HDAC9: variants seen among roughly 807,000 people sequenced by gnomAD.
The protein encoded by HDAC9 is histone deacetylase 9, also known as MEF-2 interacting transcription repressor (MITR) protein.
HDAC9 carries 41 observed loss-of-function variants against 139.4 expected under a neutral mutation model. The observed-to-expected ratio is 0.29, with a 90% CI of 0.23 to 0.38. HDAC9 has a LOEUF of 0.38. Ranked by LOEUF, HDAC9 falls within the 10% of genes least tolerant of loss-of-function variation. The probability of loss-of-function intolerance (pLI) is 1.00; values close to 1 mark genes in which losing one functional copy is unlikely to be tolerated. For missense variants in HDAC9, 1,147 were observed against 1,297.0 expected (o/e 0.88, Z 1.78); for synonymous variants, 517 against 476.2 (o/e 1.09, Z -1.12).
chr7:18,729,514 A>G lies in HDAC9; in HGVS notation c.1909+1757A>G, dbSNP rs954560945. Among the ~76,000 whole-genome samples the G allele has an allele frequency of 2.0e-5, 3 of 152,114 alleles. No individual in the cohort carries two copies. In the East Asian group the frequency reaches 5.8e-4, roughly 29 times the overall value. On this transcript the variant is annotated intron_variant, in intron 13 of 25. Coordinates refer to ENST00000686413, the MANE Select transcript of HDAC9 (RefSeq NM_178425.4). ...GAATGAAGCAAGACATCTGAATATT[A>G]GAGAGAACCTGGAGTTTAAGGAAAC... is the stretch of plus-strand genomic sequence containing the variant.
chr7:18,446,181 C>T (rs1048598798), intron 1 of HDAC9, among the ~76,000 whole-genome samples: 1 of 152,242 alleles, frequency 6.6e-6, no homozygotes, highest in Non-Finnish European at 1.5e-5. Context: ...CTCTCAGACA[C>T]ACACACAGAA....
chr7:18,580,347 A>G lies in HDAC9; in HGVS notation c.23-4934A>G, dbSNP rs1027361488. Among the ~76,000 whole-genome samples, 9 of 152,364 alleles carry G rather than the reference A, an allele frequency of 5.9e-5. No individual in the cohort carries two copies. In the South Asian group the frequency reaches 8.3e-4, roughly 14 times the overall value. On this transcript the variant is annotated intron_variant, in intron 2 of 25. Coordinates refer to ENST00000686413, the MANE Select transcript of HDAC9 (RefSeq NM_178425.4). ...AGAAGGAATAACTATTGAACAAATA[A>G]GACAGACACTGTCAAGAACGGGCAG...
intron 2 of HDAC9, among the ~76,000 whole-genome samples, chr7:18,260,038 T>A (rs1388692951): frequency 6.6e-6 from 1 of 152,170 alleles, no homozygotes; most frequent in Non-Finnish European, 1.5e-5. Flanking sequence ...TATTTTTCTT[T>A]CCTATATGGG....
At chr7:18,952,646 C>A (rs1316479506) in intron 23 of HDAC9, among the ~76,000 whole-genome samples, 1 of 151,894 alleles carries the variant, frequency 6.6e-6, no homozygotes, top group Admixed American at 6.6e-5. Context: ...TAAGAGTTTT[C>A]CAAGTAAGCT....
intron 14 of HDAC9, 126 bp downstream of exon 14, chr7:18,749,264 C>G: frequency 2.9e-6 from 3 of 1,022,412 alleles, no homozygotes; most frequent in Non-Finnish European, 4.3e-6. Flanking sequence ...GATGAACCAT[C>G]ATAGATTCAG....
intron 1 of HDAC9, among the ~76,000 whole-genome samples, chr7:18,391,075 T>C (rs1001328544): frequency 2.0e-5 from 3 of 151,608 alleles, no homozygotes; most frequent in Admixed American, 2.0e-4. Flanking sequence ...GGCAATAGAG[T>C]GAGACTCCAT....
At chr7:18,657,003 A>G (rs900811459) in intron 11 of HDAC9, among the ~76,000 whole-genome samples, 1 of 152,034 alleles carries the variant, frequency 6.6e-6, no homozygotes, top group Non-Finnish European at 1.5e-5. Flanking sequence ...ATGATGTCTC[A>G]TTGTAATTTT....
intron 23 of HDAC9, among the ~76,000 whole-genome samples, chr7:18,937,875 G>A (rs1781751926): frequency 6.6e-6 from 1 of 152,192 alleles, no homozygotes; most frequent in African/African-American, 2.4e-5. Context: ...GCATTCAAAT[G>A]TCTCTATACT....
At chr7:18,593,809 A>G in intron 5 of HDAC9, 99 bp from the exon 6 acceptor site, 2 of 1,280,768 alleles carry the variant, frequency 1.6e-6, no homozygotes, top group South Asian at 2.6e-5. Flanking sequence ...GAGCATAAAC[A>G]TAGCTGAGGC....
chr7:18,278,037 G>A (rs767705519), intron 2 of HDAC9, among the ~76,000 whole-genome samples: 5 of 152,218 alleles, frequency 3.3e-5, no homozygotes, highest in Non-Finnish European at 7.4e-5. Flanking sequence ...TAGCAACATC[G>A]TACAAACAAG....
intron 1 of HDAC9, among the ~76,000 whole-genome samples, chr7:18,091,687 TC>T (rs1782160144): frequency 6.6e-6 from 1 of 152,194 alleles, no homozygotes; most frequent in Non-Finnish European, 1.5e-5. Flanking sequence ...CTCAACTAGG[TC>T]CTCTGGCCAG....
intron 1 of HDAC9, 26 bp downstream of exon 1, chr7:18,496,049 G>C (rs1457978411): frequency 6.9e-7 from 1 of 1,439,778 alleles, no homozygotes; most frequent in East Asian, 2.5e-5. Context: ...AAAGTGTCCA[G>C]GTCTTTTTAA....
chr7:18,668,026 G>A lies in HDAC9; in HGVS notation c.1731+1550G>A. 4 of 979,048 alleles carry A rather than the reference G, an allele frequency of 4.1e-6. No homozygotes were observed. In the South Asian group the frequency reaches 1.9e-4, roughly 46 times the overall value. 60.6% of individuals were successfully genotyped at this position (979,048 alleles called of 1,614,324 possible). ...AGGTGTAGTATCCTATTTCAAAGGAGATATAGCAGTTTTGCCAAATGTAGA... is the reference window on the plus strand; with the variant it reads ...AGGTGTAGTATCCTATTTCAAAGGAAATATAGCAGTTTTGCCAAATGTAGA... On this transcript the variant is annotated intron_variant, in intron 12 of 25. Coordinates refer to ENST00000686413, the MANE Select transcript of HDAC9 (RefSeq NM_178425.4).
rs1789896750 is a variant in HDAC9, at chr7:18,767,121, A to C, written c.2180A>C (p.Lys727Thr). 1 of 1,573,014 alleles carries C rather than the reference A, an allele frequency of 6.4e-7. No homozygotes were observed. Among genetic ancestry groups the C allele is most frequent in the Non-Finnish European group, 8.7e-7 (1 of 1,154,010 alleles). ...TACTGTATAGGTGATGACTCTCAAAAGTTTTTTTCCTCATTACCTTGTGGT... is the reference window on the plus strand; with the variant it reads ...TACTGTATAGGTGATGACTCTCAAACGTTTTTTTCCTCATTACCTTGTGGT... ...PRILLGDDSQ[K>T]FFSSLPCGGL... The change falls in exon 16 of 26, where the codon AAG becomes ACG. Residue 727 changes from lysine (K) to threonine (T), a missense_variant. Lys to Thr is a moderately conservative substitution (Grantham distance 78). Transcript: ENST00000686413.
Position 18,559,567 on chromosome 7 carries a change from C to A in HDAC9, c.23-25714C>A, listed in dbSNP as rs185412625. Among the ~76,000 whole-genome samples the A allele has an allele frequency of 4.8e-3, 736 of 152,228 alleles. 5 individuals are homozygous for A. The highest frequency in any genetic ancestry group is 0.014 in the Middle Eastern group (4 of 294). On this transcript the variant is annotated intron_variant, in intron 2 of 25. Coordinates refer to ENST00000686413, the MANE Select transcript of HDAC9 (RefSeq NM_178425.4). ...GACAACTCTCTCTCAAGACATTCCC[C>A]ATCTCTTTTTTCCATCTCTTTGACC...
intron 6 of HDAC9, among the ~76,000 whole-genome samples, chr7:18,606,942 A>G (rs1008445072): frequency 4.6e-5 from 7 of 152,180 alleles, no homozygotes; most frequent in African/African-American, 1.4e-4. Flanking sequence ...ATTAATTACC[A>G]TAGTATTTAC....
At chr7:18,520,459 G>A (rs1474620122) in intron 2 of HDAC9, among the ~76,000 whole-genome samples, 8 of 152,154 alleles carry the variant, frequency 5.3e-5, no homozygotes, top group Non-Finnish European at 1.2e-4. Flanking sequence ...AAGCCTAAAT[G>A]GAGTTGGTTA....
At chr7:18,095,673 A>T (rs1315695139) in intron 1 of HDAC9, among the ~76,000 whole-genome samples, 4 of 152,240 alleles carry the variant, frequency 2.6e-5, no homozygotes, top group Non-Finnish European at 5.9e-5. Context: ...ACTTAGGTAT[A>T]TAGGAACATA....
At chr7:18,956,495 A>G (rs1563084997) in intron 24 of HDAC9, among the ~76,000 whole-genome samples, 1 of 152,094 alleles carries the variant, frequency 6.6e-6, no homozygotes, top group Admixed American at 6.6e-5. Flanking sequence ...TGGCCATTAA[A>G]AGCAGGCAGA....
Sources: gnomAD v4.1 joint callset for allele counts (sites outside exome capture counted in the v4.1 genomes callset) on GRCh38, gnomAD v4.1.1 for gene constraint, MANE v1.5 for transcripts, NCBI Gene and HGNC (gene_info 2026-07-23, HGNC 2026-07-21) for gene names.